Variants in C16orf87 observed in about 807,000 individuals in gnomAD.
The protein encoded by C16orf87 is HDAC and MIER1 interacting protein 1, also known as UPF0547 protein C16orf87.
In C16orf87, 13 loss-of-function variants were observed where a neutral mutation model predicts 21.0. That is an observed-to-expected ratio of 0.62 (90% CI 0.40 to 0.98). The LOEUF (loss-of-function observed/expected upper bound fraction) is 0.98. C16orf87 is among the 50% of genes least tolerant of loss of function. C16orf87 has a pLI of 0.00. For synonymous variants in C16orf87, 49 were observed against 60.2 expected, an observed-to-expected ratio of 0.81 and a Z score of 0.86; for missense variants, 113 against 180.4, an observed-to-expected ratio of 0.63 and a Z score of 2.14.
At chr16:46,814,211 G>A (rs1376850784) in intron 2 of C16orf87, among the ~76,000 whole-genome samples, 1 of 152,212 alleles carries the variant, frequency 6.6e-6, no homozygotes, top group Non-Finnish European at 1.5e-5. Flanking sequence ...AGGAGTAAGT[G>A]ATAGCTGCTA....
intron 2 of C16orf87, among the ~76,000 whole-genome samples, chr16:46,823,489 T>C (rs1336051581): frequency 6.6e-6 from 1 of 152,172 alleles, no homozygotes; most frequent in Non-Finnish European, 1.5e-5. Flanking sequence ...ATTGAATAAA[T>C]CCAATTTGTC....
chr16:46,809,063 C>T (rs907359505), intron 3 of C16orf87, among the ~76,000 whole-genome samples: 3 of 149,794 alleles, frequency 2.0e-5, no homozygotes, highest in Non-Finnish European at 4.4e-5. Flanking sequence ...TTTGGGAGGC[C>T]AAGGAGGGCA....
At chr16:46,812,199 G>A (rs1254049676) in intron 2 of C16orf87, among the ~76,000 whole-genome samples, 10 of 152,050 alleles carry the variant, frequency 6.6e-5, no homozygotes, top group Admixed American at 4.6e-4. Context: ...AGCTGAGATC[G>A]TGCCACTGCA....
intron 2 of C16orf87, among the ~76,000 whole-genome samples, chr16:46,811,164 C>G (rs2143084451): frequency 6.6e-6 from 1 of 152,230 alleles, no homozygotes; most frequent in Non-Finnish European, 1.5e-5. Context: ...CTGCAATGAA[C>G]TAAAGGTTCT....
chr16:46,806,474 T>C (rs573926070), intron 3 of C16orf87, among the ~76,000 whole-genome samples: 11 of 152,184 alleles, frequency 7.2e-5, no homozygotes, highest in African/African-American at 2.6e-4. Context: ...TTGGCCAGGA[T>C]GGTCTTGATC....
At position 46,803,069 on chromosome 16, in the gene C16orf87, CTCTGTT is replaced by C; in HGVS notation, c.347-5_347del. The C allele has an allele frequency of 1.3e-6, 2 of 1,518,108 alleles. No homozygotes were observed. Among genetic ancestry groups the C allele is most frequent in the Admixed American group, 3.7e-5 (2 of 54,598 alleles). 94.0% of individuals were successfully genotyped at this position (1,518,108 alleles called of 1,614,324 possible). A position where few individuals can be genotyped will look rare whatever the true frequency, so the allele number is the denominator to read the frequency against. On this transcript the variant is annotated splice_acceptor_variant and splice_polypyrimidine_tract_variant and coding_sequence_variant and intron_variant, in exon 4 of 4. Coordinates refer to ENST00000285697, the MANE Select transcript of C16orf87 (RefSeq NM_001001436.4). LOFTEE classifies it high-confidence loss of function. ...AGATGTCAATTTCCTTTTCCTGTTTCTCTGTTAAAAGAAAAAGGGAAAGTTTAATAT... is the reference window on the plus strand; with the variant it reads ...AGATGTCAATTTCCTTTTCCTGTTTCAAAAGAAAAAGGGAAAGTTTAATAT...
chr16:46,825,508 G>C (rs751028593), intron 1 of C16orf87, among the ~76,000 whole-genome samples: 2 of 152,174 alleles, frequency 1.3e-5, no homozygotes, highest in Non-Finnish European at 1.5e-5. Flanking sequence ...CATGCAATGC[G>C]TAACAATCAC....
At chr16:46,814,683 ACAGT>A (rs1196959660) in intron 2 of C16orf87, among the ~76,000 whole-genome samples, 1 of 152,208 alleles carries the variant, frequency 6.6e-6, no homozygotes, top group Non-Finnish European at 1.5e-5. Flanking sequence ...TATCACACCA[ACAGT>A]CAATTAAACA....
At chr16:46,809,076 T>C (rs538486829) in intron 3 of C16orf87, among the ~76,000 whole-genome samples, 2 of 149,554 alleles carry the variant, frequency 1.3e-5, no homozygotes, top group South Asian at 2.1e-4. Context: ...GGAGGGCAGA[T>C]TGCTTGAGCC....
chr16:46,808,411 T>C (rs1377728426), intron 3 of C16orf87, among the ~76,000 whole-genome samples: 3 of 152,162 alleles, frequency 2.0e-5, no homozygotes, highest in African/African-American at 4.8e-5. Context: ...CAGAGAGAAA[T>C]AGCAAACTGG....
intron 3 of C16orf87, 72 bp downstream of exon 3, chr16:46,809,531 C>G (rs1055287804): frequency 9.9e-7 from 1 of 1,008,624 alleles, no homozygotes; most frequent in African/African-American, 1.6e-5. Flanking sequence ...CCTCCACTTT[C>G]TTCACTACTA....
intron 2 of C16orf87, among the ~76,000 whole-genome samples, chr16:46,819,711 A>T (rs1300883699): frequency 1.3e-5 from 2 of 151,780 alleles, no homozygotes; most frequent in East Asian, 3.9e-4. Flanking sequence ...GCAGTGGCTC[A>T]TGCCTGTAAT....
At chr16:46,823,298 C>T (rs1381060302) in intron 2 of C16orf87, among the ~76,000 whole-genome samples, 1 of 152,194 alleles carries the variant, frequency 6.6e-6, no homozygotes, top group Non-Finnish European at 1.5e-5. Context: ...GTAAATCTGC[C>T]TTAACAGTAG....
intron 2 of C16orf87, among the ~76,000 whole-genome samples, chr16:46,817,916 CAAAAAAAAA>C (rs1056745014): frequency 2.9e-5 from 2 of 68,284 alleles, no homozygotes; most frequent in East Asian, 9.9e-4. Context: ...CATCAAAAAG[CAAAAAAAAA>C]AAAAAAAAAA....
chr16:46,800,504 C>A lies in C16orf87; in HGVS notation c.*2448G>T, dbSNP rs1475332143. ...AGTTGAGGCAGGGAGTAACAACTCT[C>A]AAACTACTTTTATTTAATCTTACTC... On this transcript the variant is annotated 3_prime_UTR_variant, in exon 4 of 4. Coordinates refer to ENST00000285697, the MANE Select transcript of C16orf87 (RefSeq NM_001001436.4). The A allele has an allele frequency of 6.6e-6, 1 of 152,170 alleles. No individual in the cohort carries two copies. The highest frequency in any genetic ancestry group is 1.5e-5 in the Non-Finnish European group (1 of 68,038). The allele number at this position is 152,170 out of a possible 1,614,324, so 9.4% of individuals were successfully genotyped here.
In C16orf87 at chr16:46,809,793, G is replaced by A. The variant is rs770625599; in HGVS notation, c.164-8C>T. ...TGGCCTCATGCTTGTTTTCTGTATG[G>A]ATGAATAAAAGTGATATATTTTAGG... On this transcript the variant is annotated splice_region_variant and splice_polypyrimidine_tract_variant and intron_variant, in intron 2 of 3. Transcript: ENST00000285697. 2 of 1,576,902 alleles carry A rather than the reference G, an allele frequency of 1.3e-6. No individual in the cohort carries two copies. Among genetic ancestry groups the A allele is most frequent in the South Asian group, 2.3e-5 (2 of 88,756 alleles).
At chr16:46,815,596 A>G (rs935767744) in intron 2 of C16orf87, among the ~76,000 whole-genome samples, 1 of 152,174 alleles carries the variant, frequency 6.6e-6, no homozygotes, top group African/African-American at 2.4e-5. Flanking sequence ...TTGAATAGGT[A>G]TTTCTCCAAA....
chr16:46,815,273 A>C (rs1596816035), intron 2 of C16orf87, among the ~76,000 whole-genome samples: 1 of 152,280 alleles, frequency 6.6e-6, no homozygotes, highest in East Asian at 1.9e-4. Context: ...ATAACCACTA[A>C]AACCATAAAA....
intron 2 of C16orf87, among the ~76,000 whole-genome samples, chr16:46,817,059 A>T (rs1397703531): frequency 1.3e-5 from 2 of 152,198 alleles, no homozygotes; most frequent in African/African-American, 4.8e-5. Context: ...ATACAGTGTC[A>T]GTTTCCAAGA....
Sources: allele counts gnomAD v4.1 joint callset (sites outside exome capture counted in the v4.1 genomes callset), GRCh38; gene constraint gnomAD v4.1.1; transcripts MANE v1.5; gene names NCBI Gene and HGNC (gene_info 2026-07-23, HGNC 2026-07-21).